Variants in SNX18 observed in about 807,000 individuals in gnomAD.
The protein encoded by SNX18 is sorting nexin-18.
In SNX18, 35 loss-of-function variants were observed where a neutral mutation model predicts 48.7. That is an observed-to-expected ratio of 0.72 (90% CI 0.55 to 0.95). SNX18 has a LOEUF of 0.95. Among genes scored for constraint, SNX18 ranks in the 40% least tolerant of loss-of-function variants. The pLI is 0.00. For synonymous variants in SNX18, 492 were observed against 384.7 expected, an observed-to-expected ratio of 1.28 and a Z score of -3.26; for missense variants, 824 against 871.0, an observed-to-expected ratio of 0.95 and a Z score of 0.68.
the SNX18 span, among the ~76,000 whole-genome samples, chr5:54,553,464 T>G: frequency 6.6e-6 from 1 of 152,186 alleles, no homozygotes; most frequent in African/African-American, 2.4e-5. Context: ...CTGTATTCTG[T>G]GCGTCCACAG....
Position 54,518,522 on chromosome 5 carries a change from C to A in SNX18, c.570C>A (p.Ala190=), listed in dbSNP as rs200257949. The A allele has an allele frequency of 6.4e-7, 1 of 1,555,770 alleles. No individual in the cohort carries two copies. The highest frequency in any genetic ancestry group is 8.7e-7 in the Non-Finnish European group (1 of 1,151,384). The stretch of plus-strand genomic sequence containing the variant: ...CGTCTTCGGCGGGTGTGGGCGCAGC[C>A]GGCCGCTACCGCCTGTCCACGCGCT... The part of the protein sequence containing the change: ...DGSSSAGVGA[A]GRYRLSTRSD... The change falls in exon 1 of 2, where the codon GCC becomes GCA. Residue 190 remains alanine (A), a synonymous_variant. Coordinates refer to ENST00000381410, the MANE Select transcript of SNX18 (RefSeq NM_001102575.2).
At chr5:54,528,320 C>T (rs761746633) in intron 1 of SNX18, among the ~76,000 whole-genome samples, 1 of 151,850 alleles carries the variant, frequency 6.6e-6, no homozygotes, top group Non-Finnish European at 1.5e-5. Flanking sequence ...GGTACTTGCC[C>T]TCATGGAAGG....
At chr5:54,605,570 A>G in the SNX18 span, among the ~76,000 whole-genome samples, 1 of 152,198 alleles carries the variant, frequency 6.6e-6, no homozygotes. Flanking sequence ...GTTTAATTAT[A>G]TGTTTTATTT....
chr5:54,623,996 C>T, the SNX18 span, among the ~76,000 whole-genome samples: 1 of 152,086 alleles, frequency 6.6e-6, no homozygotes, highest in African/African-American at 2.4e-5. Flanking sequence ...GTGCTCAGTT[C>T]ATTATAAATA....
rs559231350 is a variant in SNX18 at position 54,518,429 on chromosome 5, C to T, written c.477C>T (p.Asp159=). ...ATGATGACTGGGACGACGAGTGGGA[C>T]GACAGCTCCACGGTGGCGGACGAGC... ...GSDDDWDDEW[D]DSSTVADEPG... Residue 159 remains aspartate, a synonymous_variant, in exon 1 of 2, where the codon GAC becomes GAT. Transcript: ENST00000381410. 3.2e-6 allele frequency: 5 copies of T among 1,581,602 alleles called. No individual in the cohort carries two copies. The highest frequency in any genetic ancestry group is 1.4e-5 in the African/African-American group (1 of 73,958).
chr5:54,547,361 C>A (rs1762592679), downstream of SNX18, among the ~76,000 whole-genome samples: 1 of 152,114 alleles, frequency 6.6e-6, no homozygotes. Flanking sequence ...TTCTTTTGAC[C>A]AAGATCACAC....
the SNX18 span, among the ~76,000 whole-genome samples, chr5:54,567,633 T>G: frequency 6.6e-6 from 1 of 152,212 alleles, no homozygotes; most frequent in Non-Finnish European, 1.5e-5. Flanking sequence ...TTACTCCCCT[T>G]ATACAATCCA....
the SNX18 span, among the ~76,000 whole-genome samples, chr5:54,567,563 T>C: frequency 6.6e-6 from 1 of 152,158 alleles, no homozygotes; most frequent in Non-Finnish European, 1.5e-5. Context: ...ATCAGGGCGA[T>C]GTGGCAGGAA....
At chr5:54,581,814 C>T in the SNX18 span, among the ~76,000 whole-genome samples, 1 of 152,296 alleles carries the variant, frequency 6.6e-6, no homozygotes, top group East Asian at 1.9e-4. Context: ...AATCTCTGTT[C>T]AGTGAATTGT....
the SNX18 span, among the ~76,000 whole-genome samples, chr5:54,568,769 C>T: frequency 2.0e-5 from 3 of 150,526 alleles, no homozygotes; most frequent in Non-Finnish European, 4.4e-5. Flanking sequence ...GCCTCAACTA[C>T]TTTTGCTTTT....
chr5:54,624,948 T>C, the SNX18 span, among the ~76,000 whole-genome samples: 1 of 152,234 alleles, frequency 6.6e-6, no homozygotes, highest in Non-Finnish European at 1.5e-5. Flanking sequence ...TCGGTACAAA[T>C]CTATTCCTGT....
At chr5:54,623,933 A>G in the SNX18 span, among the ~76,000 whole-genome samples, 1 of 152,216 alleles carries the variant, frequency 6.6e-6, no homozygotes, top group South Asian at 2.1e-4. Context: ...GAGGTATAGA[A>G]ACAGAATAGA....
intron 1 of SNX18, among the ~76,000 whole-genome samples, chr5:54,525,119 C>G (rs919073453): frequency 6.6e-6 from 1 of 152,206 alleles, no homozygotes; most frequent in Admixed American, 6.5e-5. Flanking sequence ...TTTTAACCTG[C>G]GTAACGCTCA....
chr5:54,522,935 A>G (rs948892671), intron 1 of SNX18, among the ~76,000 whole-genome samples: 5 of 152,210 alleles, frequency 3.3e-5, no homozygotes, highest in Admixed American at 1.3e-4. Flanking sequence ...TTTTTCATCA[A>G]CGGATGGAGT....
the SNX18 span, among the ~76,000 whole-genome samples, chr5:54,621,168 T>C: frequency 6.6e-6 from 1 of 152,192 alleles, no homozygotes; most frequent in African/African-American, 2.4e-5. Flanking sequence ...GGATGTCCAC[T>C]TCTAACCCTC....
At chr5:54,553,347 G>A in the SNX18 span, among the ~76,000 whole-genome samples, 2 of 152,050 alleles carry the variant, frequency 1.3e-5, no homozygotes, top group Admixed American at 6.6e-5. Context: ...TGGGGACCTG[G>A]TGGCCACCAT....
In SNX18 at chr5:54,531,269, C is replaced by T. The variant is rs947282271; in HGVS notation, c.1621+11696C>T. On this transcript the variant is annotated intron_variant, in intron 1 of 1. Transcript: ENST00000381410. Reference sequence around the variant, plus strand: ...CAGGACCTGGTGAGGCGCTGGCTCTCCTGAGGAATCTAGTGTTACCTTAGA... The same window carrying T: ...CAGGACCTGGTGAGGCGCTGGCTCTTCTGAGGAATCTAGTGTTACCTTAGA... Among the ~76,000 whole-genome samples, 10 of 152,048 alleles carry T rather than the reference C, an allele frequency of 6.6e-5. No individual in the cohort carries two copies. In the South Asian group the frequency reaches 1.7e-3, roughly 25 times the overall value.
the SNX18 span, among the ~76,000 whole-genome samples, chr5:54,616,630 G>T: frequency 2.0e-5 from 3 of 152,048 alleles, no homozygotes; most frequent in Non-Finnish European, 4.4e-5. Context: ...TTAGCCAGGC[G>T]AAGTGGCAGG....
chr5:54,624,203 T>C, the SNX18 span, among the ~76,000 whole-genome samples: 1 of 152,186 alleles, frequency 6.6e-6, no homozygotes, highest in South Asian at 2.1e-4. Flanking sequence ...TATACCACAC[T>C]ATGCAGTAAC....
Sources: gnomAD v4.1 joint callset for allele counts (sites outside exome capture counted in the v4.1 genomes callset) on GRCh38, gnomAD v4.1.1 for gene constraint, MANE v1.5 for transcripts, NCBI Gene and HGNC (gene_info 2026-07-23, HGNC 2026-07-21) for gene names.